Variants in NFATC2 observed in about 807,000 individuals in gnomAD.
NFATC2 encodes nuclear factor of activated T cells 2, also known as nuclear factor of activated T-cells, cytoplasmic 2.
Under a neutral mutation model 87.3 loss-of-function variants are expected in NFATC2, and 22 were observed. The observed-to-expected ratio is 0.25, with a 90% CI of 0.18 to 0.36. The LOEUF is 0.36. Among genes scored for constraint, NFATC2 ranks in the 10% least tolerant of loss-of-function variants. The pLI, the probability that NFATC2 is intolerant of heterozygous loss-of-function variation, is 1.00. For synonymous variants in NFATC2, 565 were observed against 542.2 expected, an observed-to-expected ratio of 1.04 and a Z score of -0.58; for missense variants, 1,149 against 1,259.1, an observed-to-expected ratio of 0.91 and a Z score of 1.32.
intron 9 of NFATC2, among the ~76,000 whole-genome samples, chr20:51,400,491 ATC>A (rs1161651189): frequency 6.6e-6 from 1 of 152,054 alleles, no homozygotes; most frequent in Non-Finnish European, 1.5e-5. Context: ...CAATGGCGCT[ATC>A]TCAGGGGACT....
At chr20:51,479,159 C>T (rs1451232027) in intron 3 of NFATC2, among the ~76,000 whole-genome samples, 1 of 152,154 alleles carries the variant, frequency 6.6e-6, no homozygotes, top group East Asian at 1.9e-4. Context: ...TTTACTAGCA[C>T]ATCACTGGAA....
At position 51,474,125 on chromosome 20, in the gene NFATC2, A is replaced by G. The variant is rs148245628; in HGVS notation, c.1563T>C (p.Leu521=). Residue 521 remains leucine (L), a synonymous_variant, in exon 5 of 11, where the codon CTT becomes CTC. Transcript: ENST00000371564. ...ATIDCAGILK[L]RNADIELRKG... is the part of the protein sequence containing the mutation. ...TCCGCAGCTCAATGTCGGCGTTTCT[A>G]AGCTTCAAGATCCCCGCACAGTCGA... is the stretch of plus-strand genomic sequence containing the variant. 6.3e-5 allele frequency: 101 copies of G among 1,614,044 alleles called. No homozygotes were observed. Among genetic ancestry groups the G allele is most frequent in the Non-Finnish European group, 8.4e-5 (99 of 1,180,028 alleles).
At chr20:51,540,663 T>TG (rs1555818355) in intron 1 of NFATC2, among the ~76,000 whole-genome samples, 14 of 135,690 alleles carry the variant, frequency 1.0e-4, no homozygotes, top group Non-Finnish European at 1.9e-4. Context: ...TTTTTGTTTT[T>TG]TTTTTTTTGA....
At chr20:51,419,134 AG>A (rs1253995794) in intron 9 of NFATC2, among the ~76,000 whole-genome samples, 2 of 152,194 alleles carry the variant, frequency 1.3e-5, no homozygotes, top group Admixed American at 1.3e-4. Flanking sequence ...TGTGGAATAA[AG>A]AAACTCCTAA....
intron 3 of NFATC2, among the ~76,000 whole-genome samples, chr20:51,503,728 G>A (rs1780410770): frequency 6.6e-6 from 1 of 152,246 alleles, no homozygotes; most frequent in Non-Finnish European, 1.5e-5. Flanking sequence ...GGGCCTTCAG[G>A]CTGCTGTAGC....
chr20:51,405,839 G>A (rs76477596), intron 9 of NFATC2, among the ~76,000 whole-genome samples: 1 of 152,150 alleles, frequency 6.6e-6, no homozygotes, highest in Non-Finnish European at 1.5e-5. Flanking sequence ...GCTTTCAACT[G>A]TCTCCCAGAG....
chr20:51,446,343 T>C (rs1481156988), intron 6 of NFATC2, among the ~76,000 whole-genome samples: 1 of 152,210 alleles, frequency 6.6e-6, no homozygotes, highest in Non-Finnish European at 1.5e-5. Flanking sequence ...GAGCACCTAC[T>C]ATGTGCCTGA....
Position 51,480,197 on chromosome 20 carries a change from A to C in NFATC2, c.1333-4537T>G, listed in dbSNP as rs535913826. ...CAGCTACTCAGGAGACCAAGGCAGG[A>C]GAATCACTTGAACCCGGGGGTTGGA... On this transcript the variant is annotated intron_variant, in intron 3 of 10. Coordinates refer to ENST00000371564, the MANE Select transcript of NFATC2 (RefSeq NM_012340.5). The surrounding 1 kb of genome is among the most constrained non-coding windows in gnomAD (Gnocchi z 4.2). Among the ~76,000 whole-genome samples the C allele has an allele frequency of 3.9e-5, 6 of 152,120 alleles. No individual in the cohort carries two copies. The highest frequency in any genetic ancestry group is 7.3e-5 in the Non-Finnish European group (5 of 68,030).
At chr20:51,487,614 A>C (rs922014652) in intron 3 of NFATC2, among the ~76,000 whole-genome samples, 1 of 152,234 alleles carries the variant, frequency 6.6e-6, no homozygotes, top group Admixed American at 6.5e-5. Context: ...CTACAGCCAC[A>C]GCTGAAAAAG....
In NFATC2 at chr20:51,432,514, T is replaced by G. The variant is rs535888465; in HGVS notation, c.2275A>C (p.Ser759Arg). The change falls in exon 9 of 11, where the codon AGC becomes CGC. Residue 759 changes from serine (S) to arginine (R), a missense_variant. Physicochemically the swap from Ser to Arg is moderately radical, Grantham distance 110. This residue lies in a region of NFATC2 where 581 missense variants were observed against 649.7 expected (regional missense o/e 0.89). Transcript: ENST00000371564. The surrounding 1 kb of genome is among the most constrained non-coding windows in gnomAD (Gnocchi z 4.6). Reference sequence around the variant, plus strand: ...TGCTGATAGCCCAGCAGGCTGGGGCTCAGGCTCTTGCTCCGCTGGTAGAGT... The same window carrying G: ...TGCTGATAGCCCAGCAGGCTGGGGCGCAGGCTCTTGCTCCGCTGGTAGAGT... ...AVLYQRSKSLSPSLLGYQQPA... is the reference protein window; with the variant it reads ...AVLYQRSKSLRPSLLGYQQPA... 48 of 1,556,888 alleles carry G rather than the reference T, an allele frequency of 3.1e-5. No individual in the cohort carries two copies. In the African/African-American group the frequency reaches 6.4e-4, roughly 21 times the overall value.
rs544116724 is a variant in NFATC2 at position 51,478,391 on chromosome 20, G to A, written c.1333-2731C>T. On this transcript the variant is annotated intron_variant, in intron 3 of 10. Coordinates refer to ENST00000371564, the MANE Select transcript of NFATC2 (RefSeq NM_012340.5). ...AGAAGAAAGGTAGGATGGAGAGTGA[G>A]CCCTGATGATGTGGAGCTGTTTCCT... is the stretch of plus-strand genomic sequence containing the variant. Among the ~76,000 whole-genome samples the A allele has an allele frequency of 1.9e-4, 29 of 152,306 alleles. No homozygotes were observed. In the South Asian group the frequency reaches 3.1e-3, roughly 16 times the overall value.
chr20:51,477,569 ATATAT>A (rs1568667287), intron 3 of NFATC2, among the ~76,000 whole-genome samples: 55 of 97,254 alleles, frequency 5.7e-4, no homozygotes, highest in African/African-American at 1.9e-3. Flanking sequence ...ATATATATAT[ATATAT>A]ATATATAAAA....
At chr20:51,539,837 G>A (rs2076778193) in intron 1 of NFATC2, among the ~76,000 whole-genome samples, 1 of 152,022 alleles carries the variant, frequency 6.6e-6, no homozygotes. Flanking sequence ...ACTCTTCTGT[G>A]CTGCCTACTT....
intron 3 of NFATC2, among the ~76,000 whole-genome samples, chr20:51,490,437 T>C (rs1487817729): frequency 1.3e-5 from 2 of 152,196 alleles, no homozygotes; most frequent in Non-Finnish European, 2.9e-5. Flanking sequence ...CAGCCACAAA[T>C]GGACACACCA....
chr20:51,433,759 ATGTG>A (rs59775939), intron 8 of NFATC2, among the ~76,000 whole-genome samples: 9,205 of 145,994 alleles, frequency 0.063, 507 homozygotes, highest in African/African-American at 0.16. Flanking sequence ...TCATGCATGC[ATGTG>A]TGTGTGTGTG....
rs1235772824 is a variant in NFATC2 at position 51,421,248 on chromosome 20, A to G, written c.2722+10819T>C. Among the ~76,000 whole-genome samples, 9 of 152,256 alleles carry G rather than the reference A, an allele frequency of 5.9e-5. No homozygotes were observed. In the East Asian group the frequency reaches 1.7e-3, roughly 29 times the overall value. ...ACCTTGTACTATGCTATAGTTACAT[A>G]TGTTCAAAATATTTAATTAAAAGTT... On this transcript the variant is annotated intron_variant, in intron 9 of 10. Coordinates refer to ENST00000371564, the MANE Select transcript of NFATC2 (RefSeq NM_012340.5).
chr20:51,465,776 G>T (rs1289196818), intron 5 of NFATC2, among the ~76,000 whole-genome samples: 1 of 151,848 alleles, frequency 6.6e-6, no homozygotes, highest in Non-Finnish European at 1.5e-5. Flanking sequence ...CATGACACTT[G>T]GCTCTCAAAT....
At chr20:51,499,050 AAG>A (rs1216619101) in intron 3 of NFATC2, among the ~76,000 whole-genome samples, 2 of 152,006 alleles carry the variant, frequency 1.3e-5, no homozygotes, top group Admixed American at 6.5e-5. Flanking sequence ...GTGAGTGAGG[AAG>A]AGAGGCAGGC....
intron 1 of NFATC2, among the ~76,000 whole-genome samples, chr20:51,531,390 C>A (rs977743867): frequency 1.3e-5 from 2 of 152,248 alleles, no homozygotes; most frequent in African/African-American, 4.8e-5. Flanking sequence ...ATTCTTATCA[C>A]CCCTCCTTTC....
Sources: gnomAD v4.1 joint callset for allele counts (sites outside exome capture counted in the v4.1 genomes callset) on GRCh38, gnomAD v4.1.1 for gene constraint, gnomAD v4.1.1 regional missense constraint, Gnocchi (gnomAD v3.1) non-coding constraint, MANE v1.5 for transcripts, NCBI Gene and HGNC (gene_info 2026-07-23, HGNC 2026-07-21) for gene names.